The following LGSN variants were observed in gnomAD, a reference collection of about 807,000 sequenced individuals.
LGSN encodes lengsin, lens protein with glutamine synthetase domain.
LGSN carries 21 observed loss-of-function variants against 19.5 expected under a neutral mutation model. That is an observed-to-expected ratio of 1.07 (90% confidence interval 0.76 to 1.55). The LOEUF (loss-of-function observed/expected upper bound fraction) is 1.55, where lower values mean the gene tolerates loss of function less well. LGSN is among the 40% of genes most tolerant of loss of function. LGSN has a pLI of 0.00. For synonymous variants in LGSN, 257 were observed against 215.6 expected, an observed-to-expected ratio of 1.19 and a Z score of -1.68; for missense variants, 673 against 608.5, an observed-to-expected ratio of 1.11 and a Z score of -1.12.
chr6:63,553,288 A>G, the LGSN span, among the ~76,000 whole-genome samples: 1 of 152,190 alleles, frequency 6.6e-6, no homozygotes, highest in Non-Finnish European at 1.5e-5. Flanking sequence ...ACCCAAAACC[A>G]TGCTTCAGGA....
At chr6:63,297,350 G>T (rs1011263486) in intron 1 of LGSN, among the ~76,000 whole-genome samples, 1 of 113,330 alleles carries the variant, frequency 8.8e-6, no homozygotes, top group Non-Finnish European at 1.8e-5. Flanking sequence ...GTGAGCCTCG[G>T]TATCAAAAAA....
At chr6:63,416,323 A>C in the LGSN span, among the ~76,000 whole-genome samples, 1 of 152,326 alleles carries the variant, frequency 6.6e-6, no homozygotes, top group South Asian at 2.1e-4. Flanking sequence ...AGGAAACATC[A>C]GATGGCATTG....
the LGSN span, among the ~76,000 whole-genome samples, chr6:63,338,486 C>A: frequency 3.8e-4 from 58 of 152,120 alleles, no homozygotes; most frequent in African/African-American, 1.3e-3. Flanking sequence ...AATTTTTTGG[C>A]ATATGGTTTT....
At chr6:63,399,477 C>A in the LGSN span, among the ~76,000 whole-genome samples, 1 of 151,440 alleles carries the variant, frequency 6.6e-6, no homozygotes, top group Non-Finnish European at 1.5e-5. Flanking sequence ...TCACTGCAAC[C>A]TCCGCCTCCC....
At chr6:63,339,294 G>A in the LGSN span, among the ~76,000 whole-genome samples, 17 of 152,266 alleles carry the variant, frequency 1.1e-4, no homozygotes, top group Admixed American at 1.1e-3. Flanking sequence ...AACTGTAATT[G>A]TATTGGAGTT....
At chr6:63,375,982 A>T in the LGSN span, among the ~76,000 whole-genome samples, 7 of 152,040 alleles carry the variant, frequency 4.6e-5, no homozygotes, top group African/African-American at 1.4e-4. Flanking sequence ...TTGCCTAGGG[A>T]TTAAGTAATT....
the LGSN span, among the ~76,000 whole-genome samples, chr6:63,546,968 C>A: frequency 6.6e-6 from 1 of 152,140 alleles, no homozygotes; most frequent in Non-Finnish European, 1.5e-5. Context: ...GTCAATTACT[C>A]TTTAAACCTT....
the LGSN span, among the ~76,000 whole-genome samples, chr6:63,533,900 G>A: frequency 6.6e-6 from 1 of 151,992 alleles, no homozygotes; most frequent in African/African-American, 2.4e-5. Flanking sequence ...CTGGAGTTCA[G>A]TGGTGTGATC....
the LGSN span, among the ~76,000 whole-genome samples, chr6:63,434,442 A>C: frequency 6.2e-5 from 9 of 144,364 alleles, no homozygotes; most frequent in African/African-American, 2.3e-4. Context: ...TCCATCTCAA[A>C]AAAAAAAAAA....
the LGSN span, among the ~76,000 whole-genome samples, chr6:63,549,712 G>A: frequency 6.6e-6 from 1 of 151,726 alleles, no homozygotes; most frequent in African/African-American, 2.4e-5. Context: ...GGAACCTAAA[G>A]TTAAACACAG....
chr6:63,355,706 T>G, the LGSN span, among the ~76,000 whole-genome samples: 2 of 152,138 alleles, frequency 1.3e-5, no homozygotes, highest in Non-Finnish European at 2.9e-5. Context: ...GAGACGGAGT[T>G]TCACTCTTGA....
the LGSN span, among the ~76,000 whole-genome samples, chr6:63,510,465 T>A: frequency 6.6e-6 from 1 of 151,172 alleles, no homozygotes; most frequent in Non-Finnish European, 1.5e-5. Context: ...TTTTTTTTTT[T>A]TTTTTTAGTT....
the LGSN span, among the ~76,000 whole-genome samples, chr6:63,560,338 CAAAAA>C: frequency 2.0e-5 from 1 of 50,582 alleles, no homozygotes; most frequent in African/African-American, 6.9e-5. Flanking sequence ...GACTCCGTCT[CAAAAA>C]AAAAAAAAAA....
chr6:63,534,165 G>GA, the LGSN span, among the ~76,000 whole-genome samples: 2 of 151,944 alleles, frequency 1.3e-5, no homozygotes, highest in African/African-American at 4.8e-5. Context: ...TTTTAATGTG[G>GA]AAACTGCCAT....
At chr6:63,439,683 C>T in the LGSN span, among the ~76,000 whole-genome samples, 2 of 152,128 alleles carry the variant, frequency 1.3e-5, no homozygotes, top group African/African-American at 2.4e-5. Context: ...CTAATTCCCC[C>T]CATCTATTTT....
At chr6:63,295,093 AATG>A in intron 1 of LGSN, 48 bp from the exon 2 acceptor site, 4 of 1,548,636 alleles carry the variant, frequency 2.6e-6, no homozygotes, top group Non-Finnish European at 3.6e-6. Context: ...TTATTCAAAC[AATG>A]ATATTTGGAT....
At chr6:63,323,030 AT>A (rs1368373700), upstream of LGSN, among the ~76,000 whole-genome samples, 1 of 152,248 alleles carries the variant, frequency 6.6e-6, no homozygotes, top group East Asian at 1.9e-4. Flanking sequence ...GTTTAAAATC[AT>A]TTTAATTTAG....
the LGSN span, among the ~76,000 whole-genome samples, chr6:63,431,795 A>G: frequency 6.6e-6 from 1 of 152,018 alleles, no homozygotes; most frequent in Non-Finnish European, 1.5e-5. Flanking sequence ...GGCCGGGTGC[A>G]GTGGCTCATG....
At chr6:63,403,083 TAGAG>T in the LGSN span, among the ~76,000 whole-genome samples, 15 of 145,390 alleles carry the variant, frequency 1.0e-4, no homozygotes, top group South Asian at 8.6e-4. Context: ...AGATAGATGA[TAGAG>T]AGAGAGAGAG....
Sources: allele counts gnomAD v4.1 joint callset (sites outside exome capture counted in the v4.1 genomes callset), GRCh38; gene constraint gnomAD v4.1.1; transcripts MANE v1.5; gene names NCBI Gene and HGNC (gene_info 2026-07-23, HGNC 2026-07-21).